The following CSMD1 variants were observed in gnomAD, a reference collection of about 807,000 sequenced individuals.
CSMD1 encodes CUB and Sushi multiple domains 1.
Under a neutral mutation model 417.5 loss-of-function variants are expected in CSMD1, and 213 were observed. The ratio of observed to expected loss-of-function variants is 0.51; its 90% CI spans 0.46 to 0.57. The LOEUF (loss-of-function observed/expected upper bound fraction) is 0.57. Among genes scored for constraint, CSMD1 ranks in the 20% least tolerant of loss-of-function variants. The pLI is 0.00. For missense variants in CSMD1, 6,923 were observed against 4,529.7 expected (o/e 1.53, Z -15.17); for synonymous variants, 2,862 against 1,736.8 (o/e 1.65, Z -16.11).
At chr8:3,296,629 C>G (rs1006508467) in intron 25 of CSMD1, among the ~76,000 whole-genome samples, 11 of 152,088 alleles carry the variant, frequency 7.2e-5, no homozygotes, top group Admixed American at 5.9e-4. Context: ...GGCGTATGTG[C>G]TGAGATGAGC....
intron 1 of CSMD1, among the ~76,000 whole-genome samples, chr8:4,744,219 G>A (rs1444940423): frequency 6.6e-6 from 1 of 151,940 alleles, no homozygotes; most frequent in Admixed American, 6.6e-5. Context: ...CTGCAGGCTC[G>A]GGGGGCACAG....
chr8:4,519,285 CT>C (rs1209447109), intron 2 of CSMD1, among the ~76,000 whole-genome samples: 1 of 151,722 alleles, frequency 6.6e-6, no homozygotes, highest in Non-Finnish European at 1.5e-5. Context: ...TATAAAATAT[CT>C]TTTAAATGGA....
chr8:4,720,176 A>T (rs962643465), intron 1 of CSMD1, among the ~76,000 whole-genome samples: 3 of 150,806 alleles, frequency 2.0e-5, no homozygotes, highest in Admixed American at 6.6e-5. Flanking sequence ...TAACATATAT[A>T]TATATATATT....
intron 18 of CSMD1, among the ~76,000 whole-genome samples, chr8:3,387,259 G>C (rs968823870): frequency 6.6e-6 from 1 of 152,294 alleles, no homozygotes; most frequent in East Asian, 1.9e-4. Context: ...AGCTCCCTAA[G>C]TTTGTTCATT....
At chr8:3,840,657 G>A (rs922717814) in intron 5 of CSMD1, among the ~76,000 whole-genome samples, 2 of 151,406 alleles carry the variant, frequency 1.3e-5, no homozygotes, top group African/African-American at 4.8e-5. Context: ...ATAGGATATT[G>A]AGGTCACTAT....
intron 2 of CSMD1, among the ~76,000 whole-genome samples, chr8:4,551,126 C>T (rs905468325): frequency 2.0e-5 from 3 of 152,184 alleles, no homozygotes; most frequent in Admixed American, 6.5e-5. Flanking sequence ...GAGACACTGA[C>T]CTGGGTCTGG....
chr8:3,015,828 A>G (rs1366103219), intron 52 of CSMD1, among the ~76,000 whole-genome samples: 1 of 152,180 alleles, frequency 6.6e-6, no homozygotes, highest in Non-Finnish European at 1.5e-5. Context: ...AGCAATAGCA[A>G]GACTGATAGG....
At chr8:4,027,762 T>G (rs972097908) in intron 4 of CSMD1, among the ~76,000 whole-genome samples, 1 of 152,066 alleles carries the variant, frequency 6.6e-6, no homozygotes, top group African/African-American at 2.4e-5. Flanking sequence ...GGGAAATAAA[T>G]AACTAAAATA....
At chr8:4,190,478 G>C (rs921145412) in intron 3 of CSMD1, among the ~76,000 whole-genome samples, 1 of 151,144 alleles carries the variant, frequency 6.6e-6, no homozygotes, top group Non-Finnish European at 1.5e-5. Context: ...AGAGTATTTC[G>C]TAAGTTAACC....
chr8:3,224,689 T>C (rs775618283), intron 27 of CSMD1, among the ~76,000 whole-genome samples: 1 of 152,204 alleles, frequency 6.6e-6, no homozygotes, highest in Non-Finnish European at 1.5e-5. Flanking sequence ...GTCATCAATT[T>C]TGAATTAAAT....
Position 3,447,545 on chromosome 8 carries a change from C to T in CSMD1, c.1561+21167G>A, listed in dbSNP as rs549512693. ...CGGCTGGTGTGGGACAGGTGGCACCCGGAACCACTGTTCACAGAGGGCGAC... is the reference window on the plus strand; with the variant it reads ...CGGCTGGTGTGGGACAGGTGGCACCTGGAACCACTGTTCACAGAGGGCGAC... On this transcript the variant is annotated intron_variant, in intron 12 of 69. Coordinates refer to ENST00000635120, the MANE Select transcript of CSMD1 (RefSeq NM_033225.6). Among the ~76,000 whole-genome samples, 10 of 152,218 alleles carry T rather than the reference C, an allele frequency of 6.6e-5. 1 individual carries two copies. In the South Asian group the frequency reaches 1.9e-3, roughly 28 times the overall value.
intron 2 of CSMD1, among the ~76,000 whole-genome samples, chr8:4,556,080 T>A (rs1409451852): frequency 6.6e-6 from 1 of 152,130 alleles, no homozygotes; most frequent in African/African-American, 2.4e-5. Context: ...TCGAATTTAC[T>A]TAGGGAATGT....
chr8:4,584,655 G>A (rs984008871), intron 2 of CSMD1, among the ~76,000 whole-genome samples: 2 of 152,082 alleles, frequency 1.3e-5, no homozygotes, highest in African/African-American at 2.4e-5. Flanking sequence ...TTGACCCTGT[G>A]GCCATGACCG....
chr8:4,909,869 G>C (rs769357101), intron 1 of CSMD1, among the ~76,000 whole-genome samples: 5 of 152,190 alleles, frequency 3.3e-5, no homozygotes, highest in African/African-American at 4.8e-5. Context: ...GTTCAGAGAA[G>C]TCATTGATTT....
chr8:3,501,234 A>T (rs532339770), intron 10 of CSMD1, among the ~76,000 whole-genome samples: 1 of 152,272 alleles, frequency 6.6e-6, no homozygotes, highest in South Asian at 2.1e-4. Context: ...GTGCATGTGC[A>T]TACACACATG....
At chr8:3,025,954 G>A (rs934299209) in intron 51 of CSMD1, among the ~76,000 whole-genome samples, 1 of 152,126 alleles carries the variant, frequency 6.6e-6, no homozygotes, top group Non-Finnish European at 1.5e-5. Flanking sequence ...AAAGGTCTTT[G>A]GGGTCCAGTG....
At chr8:4,734,213 G>T (rs188134026) in intron 1 of CSMD1, among the ~76,000 whole-genome samples, 5 of 152,194 alleles carry the variant, frequency 3.3e-5, no homozygotes, top group African/African-American at 1.2e-4. Flanking sequence ...TCCCCTGCAT[G>T]GTATAAGGAT....
intron 12 of CSMD1, among the ~76,000 whole-genome samples, chr8:3,430,802 A>G (rs1015884317): frequency 3.9e-5 from 6 of 152,166 alleles, no homozygotes; most frequent in Admixed American, 3.9e-4. Flanking sequence ...ACGAGACTCC[A>G]TTTCAACAAC....
intron 5 of CSMD1, among the ~76,000 whole-genome samples, chr8:3,908,935 G>T (rs778545676): frequency 4.6e-5 from 7 of 152,158 alleles, no homozygotes; most frequent in East Asian, 1.9e-4. Context: ...GCAAGCGCTG[G>T]CAAACAGGGC....
Sources: allele counts gnomAD v4.1 joint callset (sites outside exome capture counted in the v4.1 genomes callset), GRCh38; gene constraint gnomAD v4.1.1; transcripts MANE v1.5; gene names NCBI Gene and HGNC (gene_info 2026-07-23, HGNC 2026-07-21).